Variants in GPR158 observed in about 807,000 individuals in gnomAD.
GPR158 encodes the protein metabotropic glycine receptor.
A neutral mutation model predicts 78.2 loss-of-function variants in GPR158; 30 were observed. That is an observed-to-expected ratio of 0.38 (90% CI 0.29 to 0.52). The LOEUF (loss-of-function observed/expected upper bound fraction) is 0.52, where lower values mean the gene tolerates loss of function less well. Ranked by LOEUF, GPR158 falls within the 20% of genes least tolerant of loss-of-function variation. The pLI, the probability that GPR158 is intolerant of heterozygous loss-of-function variation, is 0.83. For synonymous variants in GPR158, 581 were observed against 591.1 expected, an observed-to-expected ratio of 0.98 and a Z score of 0.25; for missense variants, 1,463 against 1,523.5, an observed-to-expected ratio of 0.96 and a Z score of 0.66.
chr10:25,402,653 G>C lies in GPR158; in HGVS notation c.1111+6640G>C, dbSNP rs191070259. Among the ~76,000 whole-genome samples the C allele has an allele frequency of 5.9e-5, 9 of 152,032 alleles. No individual in the cohort carries two copies. The East Asian group carries it at 1.7e-3, about 29-fold the overall frequency. On this transcript the variant is annotated intron_variant, in intron 3 of 10. Transcript: ENST00000376351. ...CAATATGAATGGTAAAGTAAATACAGCAGAATGTAAATAATTGATGAATCT... is the reference window on the plus strand; with the variant it reads ...CAATATGAATGGTAAAGTAAATACACCAGAATGTAAATAATTGATGAATCT...
At chr10:25,277,598 G>A (rs1198583895) in intron 2 of GPR158, among the ~76,000 whole-genome samples, 2 of 152,110 alleles carry the variant, frequency 1.3e-5, no homozygotes, top group African/African-American at 2.4e-5. Flanking sequence ...CCAAGTGTGG[G>A]AACTCAGGCT....
In GPR158 at chr10:25,176,333, C is replaced by T. The variant is rs1242346708; in HGVS notation, c.902+11C>T. 6.4e-7 allele frequency: 1 copy of T among 1,556,998 alleles called. No individual in the cohort carries two copies. The highest frequency in any genetic ancestry group is 1.9e-5 in the Admixed American group (1 of 53,442). ...GGTCCCGGAATTCAGGTAGGGAGGGCCGGGGGGCAGGGGGGAAGGCAAAAG... is the reference window on the plus strand; with the variant it reads ...GGTCCCGGAATTCAGGTAGGGAGGGTCGGGGGGCAGGGGGGAAGGCAAAAG... On this transcript the variant is annotated intron_variant, in intron 1 of 10. Transcript: ENST00000376351. The surrounding 1 kb of genome is among the most constrained non-coding windows in gnomAD (Gnocchi z 6.3).
At chr10:25,527,521 T>C (rs1836366422) in intron 5 of GPR158, among the ~76,000 whole-genome samples, 1 of 152,128 alleles carries the variant, frequency 6.6e-6, no homozygotes, top group Admixed American at 6.5e-5. Context: ...AAATTAGAAA[T>C]ATTTCAAATG....
At chr10:25,294,501 T>G (rs985402005) in intron 2 of GPR158, among the ~76,000 whole-genome samples, 2 of 152,234 alleles carry the variant, frequency 1.3e-5, no homozygotes, top group African/African-American at 4.8e-5. Context: ...GCTTTGCTGA[T>G]GATGAGTCAT....
chr10:25,349,050 A>C (rs961539052), intron 2 of GPR158, among the ~76,000 whole-genome samples: 1 of 152,030 alleles, frequency 6.6e-6, no homozygotes, highest in African/African-American at 2.4e-5. Context: ...AAACAATATA[A>C]ATGTATCTTA....
intron 8 of GPR158, 52 bp downstream of exon 8, chr10:25,589,197 G>T (rs1427585236): frequency 1.5e-6 from 2 of 1,345,340 alleles, no homozygotes; most frequent in South Asian, 1.6e-5. Flanking sequence ...CTGATGTGTT[G>T]CTGTTTAAAT....
intron 1 of GPR158, among the ~76,000 whole-genome samples, chr10:25,216,063 A>C (rs1267461219): frequency 6.6e-6 from 1 of 152,094 alleles, no homozygotes; most frequent in Non-Finnish European, 1.5e-5. Context: ...CTGACCAACA[A>C]ATTCCCCTTT....
intron 2 of GPR158, among the ~76,000 whole-genome samples, chr10:25,233,560 C>G (rs907767188): frequency 2.0e-5 from 3 of 152,152 alleles, no homozygotes; most frequent in African/African-American, 7.2e-5. Context: ...ACTGAGCAAC[C>G]CTGCTTATGG....
intron 2 of GPR158, among the ~76,000 whole-genome samples, chr10:25,370,642 C>A (rs1393300027): frequency 4.0e-5 from 6 of 148,934 alleles, no homozygotes; most frequent in African/African-American, 1.0e-4. Context: ...AATGTATATT[C>A]TGTTGATTTG....
At chr10:25,303,662 C>T (rs1445741526) in intron 2 of GPR158, among the ~76,000 whole-genome samples, 2 of 152,106 alleles carry the variant, frequency 1.3e-5, no homozygotes, top group African/African-American at 2.4e-5. Context: ...CGATGATAAC[C>T]CCTTCTTTGT....
intron 2 of GPR158, among the ~76,000 whole-genome samples, chr10:25,367,303 G>C (rs755649866): frequency 4.6e-5 from 7 of 151,370 alleles, no homozygotes; most frequent in Non-Finnish European, 1.0e-4. Flanking sequence ...TGGGTACATG[G>C]ATTTTTTTTT....
chr10:25,580,323 A>G (rs1293163800), intron 7 of GPR158, among the ~76,000 whole-genome samples: 1 of 152,200 alleles, frequency 6.6e-6, no homozygotes, highest in Non-Finnish European at 1.5e-5. Flanking sequence ...TTCTTTATTG[A>G]CATGCTTTTC....
intron 2 of GPR158, among the ~76,000 whole-genome samples, chr10:25,223,927 G>A (rs911385488): frequency 1.3e-5 from 2 of 152,106 alleles, no homozygotes; most frequent in African/African-American, 2.4e-5. Context: ...TTTTTCTAGC[G>A]ATGTTGGAAA....
chr10:25,308,223 G>T (rs1240402106), intron 2 of GPR158, among the ~76,000 whole-genome samples: 1 of 152,096 alleles, frequency 6.6e-6, no homozygotes, highest in Non-Finnish European at 1.5e-5. Context: ...TGCCATGGTG[G>T]TTTGCTGCAC....
intron 4 of GPR158, among the ~76,000 whole-genome samples, chr10:25,441,058 T>C (rs1278328174): frequency 1.3e-5 from 2 of 152,210 alleles, no homozygotes; most frequent in African/African-American, 4.8e-5. Context: ...TAAAAAAGGC[T>C]ATAACCCTTG....
At chr10:25,586,874 C>G (rs895739365) in intron 7 of GPR158, among the ~76,000 whole-genome samples, 5 of 152,110 alleles carry the variant, frequency 3.3e-5, no homozygotes, top group African/African-American at 1.2e-4. Context: ...TACTGAAATG[C>G]CAGGGTTTCG....
intron 5 of GPR158, among the ~76,000 whole-genome samples, chr10:25,487,954 A>G (rs908302154): frequency 1.3e-5 from 2 of 152,196 alleles, no homozygotes; most frequent in Admixed American, 1.3e-4. Flanking sequence ...TGAGCATTTA[A>G]AAGCTCAAAA....
intron 2 of GPR158, among the ~76,000 whole-genome samples, chr10:25,240,204 A>C (rs1444720015): frequency 1.3e-5 from 2 of 152,192 alleles, no homozygotes; most frequent in Non-Finnish European, 2.9e-5. Context: ...AGTGCTCTGA[A>C]AGTTCAGAAA....
intron 2 of GPR158, among the ~76,000 whole-genome samples, chr10:25,323,491 C>G (rs111802670): frequency 0.015 from 2,321 of 151,314 alleles, 68 homozygotes; most frequent in African/African-American, 0.053. Flanking sequence ...AAGATCTGTT[C>G]TTTAGTGTAG....
Sources: gnomAD v4.1 joint callset for allele counts (sites outside exome capture counted in the v4.1 genomes callset) on GRCh38, gnomAD v4.1.1 for gene constraint, Gnocchi (gnomAD v3.1) non-coding constraint, MANE v1.5 for transcripts, NCBI Gene and HGNC (gene_info 2026-07-23, HGNC 2026-07-21) for gene names.